Variants in ARNT observed in about 807,000 individuals in gnomAD.
The protein encoded by ARNT is aryl hydrocarbon receptor nuclear translocator.
In ARNT, 30 loss-of-function variants were observed where a neutral mutation model predicts 105.0. That is an observed-to-expected ratio of 0.29 (90% confidence interval 0.21 to 0.39). The LOEUF is 0.39. ARNT is among the 10% of genes least tolerant of loss of function. ARNT has a pLI of 1.00. For missense variants in ARNT, 748 were observed against 978.7 expected (o/e 0.76, Z 3.15); for synonymous variants, 304 against 344.0 (o/e 0.88, Z 1.29).
rs142549978 is a variant in ARNT, at chr1:150,871,156, T to C, written c.25+5387A>G. Among the ~76,000 whole-genome samples, 391 of 152,202 alleles carry C rather than the reference T, an allele frequency of 2.6e-3. 2 individuals carry two copies. The highest frequency in any genetic ancestry group is 4.4e-3 in the Non-Finnish European group (298 of 68,016). On this transcript the variant is annotated intron_variant, in intron 1 of 21. Coordinates refer to ENST00000358595, the MANE Select transcript of ARNT (RefSeq NM_001668.4). ...AAATAGGAAAGTGCAGCCTGGCATA[T>C]AGAAGGAACTTAATTATCCACTCCT...
At chr1:150,825,915 T>A (rs1658141263) in intron 13 of ARNT, among the ~76,000 whole-genome samples, 1 of 151,702 alleles carries the variant, frequency 6.6e-6, no homozygotes, top group South Asian at 2.1e-4. Context: ...AATTTTCTTT[T>A]TTATCTTTTT....
intron 1 of ARNT, 56 bp from the exon 2 acceptor site, chr1:150,858,516 C>G (rs945495708): frequency 1.1e-5 from 15 of 1,337,186 alleles, no homozygotes; most frequent in Non-Finnish European, 1.6e-5. Context: ...TGCTTATCAT[C>G]AGTATCATCA....
chr1:150,847,169 C>T (rs1571364576), intron 3 of ARNT, among the ~76,000 whole-genome samples: 6 of 152,038 alleles, frequency 3.9e-5, no homozygotes, highest in Admixed American at 3.3e-4. Context: ...CAGTGGCTCA[C>T]GCCTGTAATC....
chr1:150,855,423 G>T (rs933618107), intron 2 of ARNT, among the ~76,000 whole-genome samples: 1 of 151,750 alleles, frequency 6.6e-6, no homozygotes, highest in South Asian at 2.1e-4. Context: ...TTAGCCAGAC[G>T]TGGTGGTGGA....
rs10305725 is a variant in ARNT, at chr1:150,822,854, T to G, written c.1394+340A>C. ...GGATCTGATGCTATCTCCAAGTAGA[T>G]AGTGAACTGAATTGAATGGAAGGAC... On this transcript the variant is annotated intron_variant, in intron 14 of 21. Transcript: ENST00000358595. 7.7e-3 allele frequency among the ~76,000 whole-genome samples: 1,170 copies of G among 152,304 alleles called. 6 individuals carry two copies. Among genetic ancestry groups the G allele is most frequent in the Non-Finnish European group, 0.011 (716 of 68,024 alleles).
rs370671525 is a variant in ARNT, at chr1:150,834,637, C to T, written c.704G>A (p.Arg235His). ...TGTTCCAGTCTTTAGATCCAGGATA[C>T]GCCCTGAAGGAAGATGTGAAGAGCA... ...LSTSENALTG[R>H]ILDLKTGTVK... Residue 235 changes from arginine to histidine, a missense_variant, in exon 8 of 22, where the codon CGT (arginine) becomes CAT (histidine). This residue lies in a region of ARNT where 291 missense variants were observed against 444.6 expected (regional missense o/e 0.65). Coordinates refer to ENST00000358595, the MANE Select transcript of ARNT (RefSeq NM_001668.4). 23 of 1,613,344 alleles carry T rather than the reference C, an allele frequency of 1.4e-5. No homozygotes were observed. The highest frequency in any genetic ancestry group is 8.0e-5 in the African/African-American group (6 of 74,886).
intron 2 of ARNT, 25 bp downstream of exon 2, chr1:150,858,324 C>G (rs1207465531): frequency 3.2e-6 from 5 of 1,552,686 alleles, no homozygotes; most frequent in Non-Finnish European, 4.4e-6. Flanking sequence ...GAGAGATATT[C>G]ATAACACACT....
chr1:150,843,002 C>T (rs1030356799), intron 4 of ARNT, among the ~76,000 whole-genome samples: 2 of 152,074 alleles, frequency 1.3e-5, no homozygotes, highest in Non-Finnish European at 2.9e-5. Context: ...AATCTCTCTC[C>T]CTCTCACACA....
At chr1:150,848,330 C>T (rs1662646547) in intron 3 of ARNT, among the ~76,000 whole-genome samples, 5 of 152,082 alleles carry the variant, frequency 3.3e-5, no homozygotes, top group Admixed American at 3.3e-4. Context: ...GTGGCAGGCG[C>T]CTGTAATCCC....
At chr1:150,865,208 GTATC>G (rs767513674) in intron 1 of ARNT, among the ~76,000 whole-genome samples, 1 of 152,090 alleles carries the variant, frequency 6.6e-6, no homozygotes, top group Admixed American at 6.6e-5. Flanking sequence ...TGAATTAAAT[GTATC>G]TATCTATTTC....
At chr1:150,836,240 A>G in intron 7 of ARNT, 40 bp downstream of exon 7, 2 of 1,590,588 alleles carry the variant, frequency 1.3e-6, no homozygotes, top group Admixed American at 1.7e-5. Flanking sequence ...AAAAAACAAG[A>G]AAGGACTTCT....
chr1:150,811,818 T>C lies in ARNT; in HGVS notation c.*203A>G, dbSNP rs913185037. 6 of 383,030 alleles carry C rather than the reference T, an allele frequency of 1.6e-5. No homozygotes were observed. The highest frequency in any genetic ancestry group is 4.6e-5 in the Admixed American group (1 of 21,848). The allele number at this position is 383,030 out of a possible 1,614,324, so 23.7% of individuals were successfully genotyped here. On this transcript the variant is annotated 3_prime_UTR_variant, in exon 22 of 22. Transcript: ENST00000358595. ...AAATTTTCAGACAGTCCTAAAAGCCTTGGAGATTCATTCCATTTCTTCTAT... is the reference window on the plus strand; with the variant it reads ...AAATTTTCAGACAGTCCTAAAAGCCCTGGAGATTCATTCCATTTCTTCTAT...
At chr1:150,831,990 T>C in intron 9 of ARNT, 87 bp from the exon 10 acceptor site, 1 of 908,726 alleles carries the variant, frequency 1.1e-6, no homozygotes, top group Non-Finnish European at 1.7e-6. Context: ...CTTTTAAGTT[T>C]ATGCTCTTAG....
chr1:150,814,105 A>G lies in ARNT; in HGVS notation c.2085T>C (p.Pro695=). 2 of 1,614,154 alleles carry G rather than the reference A, an allele frequency of 1.2e-6. No individual in the cohort carries two copies. The highest frequency in any genetic ancestry group is 1.1e-5 in the South Asian group (1 of 91,076). Reference sequence around the variant, plus strand: ...AGTTAGATCCACGATTGGTGAGACTAGGGTAGGCAGCAGCACCAGGCGATG... The same window carrying G: ...AGTTAGATCCACGATTGGTGAGACTGGGGTAGGCAGCAGCACCAGGCGATG... The part of the protein sequence containing the change: ...PTASPGAAAY[P]SLTNRGSNFA... The change falls in exon 20 of 22, where the codon CCT becomes CCC. Residue 695 remains proline, a synonymous_variant. Transcript: ENST00000358595.
At chr1:150,859,466 C>A (rs1378907427) in intron 1 of ARNT, among the ~76,000 whole-genome samples, 1 of 151,782 alleles carries the variant, frequency 6.6e-6, no homozygotes, top group Non-Finnish European at 1.5e-5. Context: ...CCTGTCTCAG[C>A]TTCCTAAGTA....
At chr1:150,854,314 T>C (rs1352014263) in intron 2 of ARNT, among the ~76,000 whole-genome samples, 1 of 152,086 alleles carries the variant, frequency 6.6e-6, no homozygotes, top group African/African-American at 2.4e-5. Context: ...TCCACGCACT[T>C]TGGGAGGCCA....
chr1:150,848,455 CAA>C (rs60782711), intron 3 of ARNT, among the ~76,000 whole-genome samples: 183 of 142,652 alleles, frequency 1.3e-3, no homozygotes, highest in African/African-American at 1.9e-3. Flanking sequence ...AGACTCCTCT[CAA>C]AAAAAAAAAA....
chr1:150,868,212 C>T lies in ARNT; in HGVS notation c.25+8331G>A, dbSNP rs587681462. ...GTGTACACTTGTAATCCCAGCTACTCAGGAAGCAGAGGTGGGAGGATCATT... is the reference window on the plus strand; with the variant it reads ...GTGTACACTTGTAATCCCAGCTACTTAGGAAGCAGAGGTGGGAGGATCATT... On this transcript the variant is annotated intron_variant, in intron 1 of 21. Coordinates refer to ENST00000358595, the MANE Select transcript of ARNT (RefSeq NM_001668.4). Among the ~76,000 whole-genome samples the T allele has an allele frequency of 2.6e-5, 4 of 151,992 alleles. No individual in the cohort carries two copies. In the East Asian group the frequency reaches 7.8e-4, roughly 30 times the overall value.
At position 150,816,016 on chromosome 1, in the gene ARNT, C is replaced by T. The variant is rs191398613; in HGVS notation, c.1950+243G>A. ...CTCCAAAACAAATCTGAAAATCAGA[C>T]GTGCTCAAAACGTTCCAAGTGAGCA... is the stretch of plus-strand genomic sequence containing the variant. On this transcript the variant is annotated intron_variant, in intron 19 of 21. Coordinates refer to ENST00000358595, the MANE Select transcript of ARNT (RefSeq NM_001668.4). Among the ~76,000 whole-genome samples the T allele has an allele frequency of 5.7e-4, 87 of 152,212 alleles. 1 individual carries two copies. The East Asian group carries it at 0.016, about 28-fold the overall frequency.
Sources: gnomAD v4.1 joint callset for allele counts (sites outside exome capture counted in the v4.1 genomes callset) on GRCh38, gnomAD v4.1.1 for gene constraint, gnomAD v4.1.1 regional missense constraint, MANE v1.5 for transcripts, NCBI Gene and HGNC (gene_info 2026-07-23, HGNC 2026-07-21) for gene names.